TAF1C: variants seen among roughly 807,000 people sequenced by gnomAD.
TAF1C encodes TATA box-binding protein-associated factor RNA polymerase I subunit C.
A neutral mutation model predicts 70.5 loss-of-function variants in TAF1C; 79 were observed. The observed-to-expected ratio is 1.12, with a 90% CI of 0.93 to 1.35. TAF1C has a LOEUF of 1.35. TAF1C is among the 40% of genes most tolerant of loss of function. The pLI is 0.00. For synonymous variants in TAF1C, 614 were observed against 491.1 expected (o/e 1.25, Z -3.31); for missense variants, 1,412 against 1,127.8 (o/e 1.25, Z -3.61).
intron 1 of TAF1C, chr16:84,185,698 C>G (rs1029113248): frequency 6.6e-6 from 1 of 151,744 alleles, no homozygotes; most frequent in Admixed American, 6.6e-5. Context: ...GTCGGGAGTT[C>G]GAGACTGGCC....
At chr16:84,183,029 C>G in intron 6 of TAF1C, 47 bp downstream of exon 6, 1 of 1,601,488 alleles carries the variant, frequency 6.2e-7, no homozygotes. Context: ...TACATCCCCA[C>G]CACCAGCTAT....
At position 84,183,232 on chromosome 16, in the gene TAF1C, C is replaced by T. The variant is rs200205091; in HGVS notation, c.408+12G>A. 66 of 1,614,006 alleles carry T rather than the reference C, an allele frequency of 4.1e-5. 1 individual carries two copies. In the East Asian group the frequency reaches 1.1e-3, roughly 26 times the overall value. On this transcript the variant is annotated intron_variant, in intron 5 of 14. Transcript: ENST00000566732. ...CAGGGAGTCCCCACCCCTGGAGTCA[C>T]GGGCCACTCACCCCCGCTCCCTCCA...
At position 84,180,048 on chromosome 16, in the gene TAF1C, G is replaced by T. The variant is rs903666574; in HGVS notation, c.1519C>A (p.Pro507Thr). The T allele has an allele frequency of 4.4e-6, 7 of 1,607,168 alleles. No individual in the cohort carries two copies. The highest frequency in any genetic ancestry group is 3.3e-5 in the South Asian group (3 of 90,384). Residue 507 changes from proline (P) to threonine (T), a missense_variant, in exon 14 of 15, where the codon CCC becomes ACC. Pro to Thr is a conservative substitution (Grantham distance 38, BLOSUM62 -1). Transcript: ENST00000566732. ...TCGATCCTGGAAGGAAGAGACTGGG[G>T]GGGGCCTGCCAGGCGGGGCACCGAC... is the stretch of plus-strand genomic sequence containing the variant. ...GASVPRLAGP[P>T]QSLPSRIDSL...
At position 84,181,628 on chromosome 16, in the gene TAF1C, C is replaced by T. The variant is rs4150147; in HGVS notation, c.992G>A (p.Arg331His). Residue 331 changes from arginine (R) to histidine (H), a missense_variant, in exon 10 of 15, where the codon CGC becomes CAC. Transcript: ENST00000566732. Reference sequence around the variant, plus strand: ...GCTCCACAGGCAGACGGCTCCCGAGCGGCTGCAGATGGCCAGCTCCCCGGG... The same window carrying T: ...GCTCCACAGGCAGACGGCTCCCGAGTGGCTGCAGATGGCCAGCTCCCCGGG... Reference protein sequence around the residue: ...HLPGELAICSRSGAVCLWSPE... With the variant: ...HLPGELAICSHSGAVCLWSPE... The T allele has an allele frequency of 3.2e-5, 51 of 1,613,782 alleles. No homozygotes were observed. The African/African-American group carries it at 3.5e-4, about 11-fold the overall frequency.
chr16:84,178,846 C>G lies in TAF1C; in HGVS notation c.*95G>C. ...ACAGTGGCCTCCAGAAGGTGGCGAG[C>G]TCTGCTTCTCAAGTTTCAACTGTGG... is the stretch of plus-strand genomic sequence containing the variant. On this transcript the variant is annotated 3_prime_UTR_variant, in exon 15 of 15. Transcript: ENST00000566732. 1 of 1,393,966 alleles carries G rather than the reference C, an allele frequency of 7.2e-7. No individual in the cohort carries two copies. The highest frequency in any genetic ancestry group is 1.4e-5 in the South Asian group (1 of 70,506). The allele number at this position is 1,393,966 out of a possible 1,614,324, so 86.3% of individuals were successfully genotyped here. A position where few individuals can be genotyped will look rare whatever the true frequency, so the allele number is the denominator to read the frequency against.
At chr16:84,183,558 G>A (rs751795542) in intron 3 of TAF1C, 51 bp from the exon 4 acceptor site, 6 of 1,568,734 alleles carry the variant, frequency 3.8e-6, no homozygotes, top group South Asian at 1.2e-5. Context: ...AGTGCGGCCA[G>A]ATGCCCTGGG....
chr16:84,181,727 C>A lies in TAF1C; in HGVS notation c.956+19G>T, dbSNP rs770924089. ...CCTGCCTCCAGCCCCTCCTCACCGACCAACCTGACCCCCCTCACCTGAGGC... is the reference window on the plus strand; with the variant it reads ...CCTGCCTCCAGCCCCTCCTCACCGAACAACCTGACCCCCCTCACCTGAGGC... On this transcript the variant is annotated intron_variant, in intron 9 of 14. Coordinates refer to ENST00000566732, the MANE Select transcript of TAF1C (RefSeq NM_001243156.2). 1.9e-6 allele frequency: 3 copies of A among 1,613,712 alleles called. No individual in the cohort carries two copies. The highest frequency in any genetic ancestry group is 2.5e-6 in the Non-Finnish European group (3 of 1,179,776).
Position 84,179,243 on chromosome 16 carries a change from C to A in TAF1C, c.2230G>T (p.Glu744Ter). 1 of 1,584,354 alleles carries A rather than the reference C, an allele frequency of 6.3e-7. No individual in the cohort carries two copies. Among genetic ancestry groups the A allele is most frequent in the East Asian group, 2.3e-5 (1 of 44,064 alleles). ...GGGCTATGAGGGGAGCTGGTGTCCT[C>A]TGAGGGATCCACATGGCCACTGAGC... The part of the protein sequence containing the change: ...FSLSGHVDPS[E>*]DTSSPHSPEW... The change falls in exon 15 of 15, where the codon GAG becomes TAG. Residue 744 changes from glutamate to a stop codon, truncating the protein, a stop_gained. Transcript: ENST00000566732. LOFTEE classifies it low-confidence loss of function (END_TRUNC).
chr16:84,180,012 C>A lies in TAF1C; in HGVS notation c.1555G>T (p.Ala519Ser). The A allele has an allele frequency of 6.2e-7, 1 of 1,611,742 alleles. No homozygotes were observed. The highest frequency in any genetic ancestry group is 1.1e-5 in the South Asian group (1 of 90,952). Residue 519 changes from alanine to serine, a missense_variant, in exon 14 of 15, where the codon GCA becomes TCA. Coordinates refer to ENST00000566732, the MANE Select transcript of TAF1C (RefSeq NM_001243156.2). ...SLPSRIDSLP[A>S]FPLLEPKIQW... ...ATCTTAGGCTCCAGCAGAGGAAATG[C>A]AGGGAGGGAGTCGATCCTGGAAGGA...
At chr16:84,180,769 A>G in intron 12 of TAF1C, 1 of 1,320,570 alleles carries the variant, frequency 7.6e-7, no homozygotes, top group Admixed American at 3.4e-5. Flanking sequence ...CCAGCTCTGC[A>G]CGGAAGCCCC....
rs1455490536 is a variant in TAF1C at position 84,180,338 on chromosome 16, G to T, written c.1315C>A (p.Leu439Ile). The part of the protein sequence containing the change: ...TLHLVCTQFS[L>I]YLVDERLPLV... ...GGAAGGCGCTCGTCCACTAGGTAGA[G>T]AGAGAACTGGGGCCCGAGAAGGAAG... Residue 439 changes from leucine to isoleucine, a missense_variant, in exon 13 of 15, where the codon CTC becomes ATC. By Grantham distance (5) the Leu-to-Ile change is conservative (BLOSUM62 2). Transcript: ENST00000566732. 2 of 1,541,754 alleles carry T rather than the reference G, an allele frequency of 1.3e-6. No individual in the cohort carries two copies. Among genetic ancestry groups the T allele is most frequent in the Non-Finnish European group, 1.7e-6 (2 of 1,146,180 alleles).
In TAF1C at chr16:84,179,179, G is replaced by A. The variant is rs4150175; in HGVS notation, c.2294C>T (p.Thr765Met). Residue 765 changes from threonine to methionine, a missense_variant, in exon 15 of 15, where the codon ACG becomes ATG. Transcript: ENST00000566732. ...PPADALPLPPTTPPSQELTPD... is the reference protein window; with the variant it reads ...PPADALPLPPMTPPSQELTPD... ...AGTCAACTCCTGGGAGGGCGGGGTC[G>A]TGGGGGGCAGGGGCAGAGCATCAGC... 9.7e-4 allele frequency: 1,552 copies of A among 1,594,156 alleles called. 22 individuals carry two copies. In the African/African-American group the frequency reaches 0.018, roughly 18 times the overall value.
rs754790602 is a variant in TAF1C, at chr16:84,182,406, G to A, written c.517C>T (p.Arg173Cys). The A allele has an allele frequency of 1.1e-5, 18 of 1,604,352 alleles. No homozygotes were observed. The highest frequency in any genetic ancestry group is 8.5e-5 in the Admixed American group (5 of 58,966). Reference sequence around the variant, plus strand: ...ATGGGGCCCCCGAGGATAGAGAAGCGGCGCTGTCGGTTGCTGAGGTAAGCC... The same window carrying A: ...ATGGGGCCCCCGAGGATAGAGAAGCAGCGCTGTCGGTTGCTGAGGTAAGCC... ...PWAYLSNRQRRFSILGGPILG... is the reference protein window; with the variant it reads ...PWAYLSNRQRCFSILGGPILG... The change falls in exon 7 of 15, where the codon CGC becomes TGC. Residue 173 changes from arginine (R) to cysteine (C), a missense_variant. Physicochemically the swap from Arg to Cys is radical, Grantham distance 180. Transcript: ENST00000566732. This position sits in a 1 kb window ranked among gnomAD's most constrained non-coding sequence, Gnocchi z 5.0.
chr16:84,178,234 C>G lies in TAF1C; in HGVS notation c.*707G>C, dbSNP rs1251604945. 2.3e-6 allele frequency: 1 copy of G among 426,022 alleles called. No homozygotes were observed. Among genetic ancestry groups the G allele is most frequent in the South Asian group, 1.7e-5 (1 of 58,068 alleles). 26.4% of individuals were successfully genotyped at this position (426,022 alleles called of 1,614,324 possible). ...ACTGACATGACCGTGACCCTCTGCT[C>G]AGAGGGCACTATCGACAGCCCACAG... On this transcript the variant is annotated 3_prime_UTR_variant, in exon 15 of 15. Coordinates refer to ENST00000566732, the MANE Select transcript of TAF1C (RefSeq NM_001243156.2).
At chr16:84,184,714 G>A (rs2089387998) in intron 2 of TAF1C, 137 bp downstream of exon 2, 1 of 1,125,572 alleles carries the variant, frequency 8.9e-7, no homozygotes, top group African/African-American at 1.6e-5. Flanking sequence ...CCCAGAGGAG[G>A]TGGCAGAGCC....
chr16:84,185,823 C>G (rs2089450121), intron 1 of TAF1C, among the ~76,000 whole-genome samples: 1 of 152,098 alleles, frequency 6.6e-6, no homozygotes, highest in Non-Finnish European at 1.5e-5. Context: ...TTCCTTGAAG[C>G]CGGGAGGCGG....
chr16:84,184,799 C>G (rs918019008), intron 2 of TAF1C, 52 bp downstream of exon 2: 1 of 1,541,522 alleles, frequency 6.5e-7, no homozygotes, highest in Non-Finnish European at 8.8e-7. Flanking sequence ...GACGGGGGAC[C>G]CAGGGAAGGG....
In TAF1C at chr16:84,183,127, ACT is replaced by A; in HGVS notation, c.429_430del (p.Val144GlyfsTer65). On this transcript the variant is annotated frameshift_variant, in exon 6 of 15. Coordinates refer to ENST00000566732, the MANE Select transcript of TAF1C (RefSeq NM_001243156.2). LOFTEE classifies it high-confidence loss of function. ...CTGGAGCAGCTTCTTCACACTGACCACTGTCTTCTTCTTAGTGCGGCTCTGCA... is the reference window on the plus strand; with the variant it reads ...CTGGAGCAGCTTCTTCACACTGACCAGTCTTCTTCTTAGTGCGGCTCTGCA... 6.2e-7 allele frequency: 1 copy of A among 1,613,704 alleles called. No individual in the cohort carries two copies. The highest frequency in any genetic ancestry group is 8.5e-7 in the Non-Finnish European group (1 of 1,179,938).
chr16:84,178,900 G>T lies in TAF1C; in HGVS notation c.*41C>A. 6.5e-7 allele frequency: 1 copy of T among 1,527,826 alleles called. No homozygotes were observed. Among genetic ancestry groups the T allele is most frequent in the Non-Finnish European group, 8.8e-7 (1 of 1,139,922 alleles). 94.6% of individuals were successfully genotyped at this position (1,527,826 alleles called of 1,614,324 possible). A position where few individuals can be genotyped will look rare whatever the true frequency, so the allele number is the denominator to read the frequency against. On this transcript the variant is annotated 3_prime_UTR_variant, in exon 15 of 15. Coordinates refer to ENST00000566732, the MANE Select transcript of TAF1C (RefSeq NM_001243156.2). ...GCACATCTGGTCCCAGAGGAAGGAT[G>T]AGGGGCTCTCTGGGGCTTGAGGGCA...
Sources: gnomAD v4.1 joint callset for allele counts (sites outside exome capture counted in the v4.1 genomes callset) on GRCh38, gnomAD v4.1.1 for gene constraint, Gnocchi (gnomAD v3.1) non-coding constraint, MANE v1.5 for transcripts, NCBI Gene and HGNC (gene_info 2026-07-23, HGNC 2026-07-21) for gene names.